TOM1L2: variants seen among roughly 807,000 people sequenced by gnomAD.
TOM1L2 encodes the protein TOM1-like protein 2.
A neutral mutation model predicts 67.9 loss-of-function variants in TOM1L2; 31 were observed. The observed-to-expected ratio is 0.46, with a 90% CI of 0.34 to 0.62. TOM1L2 has a LOEUF of 0.62. Ranked by LOEUF, TOM1L2 falls within the 20% of genes least tolerant of loss-of-function variation. The pLI is 0.01. For synonymous variants in TOM1L2, 256 were observed against 254.0 expected, an observed-to-expected ratio of 1.01 and a Z score of -0.07; for missense variants, 606 against 663.5, an observed-to-expected ratio of 0.91 and a Z score of 0.95.
At chr17:17,914,053 T>C (rs2039522103) in intron 1 of TOM1L2, among the ~76,000 whole-genome samples, 2 of 152,198 alleles carry the variant, frequency 1.3e-5, no homozygotes, top group Admixed American at 1.3e-4. Context: ...GCTGCTTCCA[T>C]CAGGATAAGT....
intron 1 of TOM1L2, among the ~76,000 whole-genome samples, chr17:17,940,705 G>C (rs1039774546): frequency 1.3e-5 from 2 of 152,220 alleles, no homozygotes; most frequent in Non-Finnish European, 2.9e-5. Flanking sequence ...GGTCTCCACA[G>C]CTGTCATTGG....
intron 1 of TOM1L2, among the ~76,000 whole-genome samples, chr17:17,927,663 CTTT>C (rs1191502051): frequency 9.3e-5 from 13 of 139,302 alleles, no homozygotes; most frequent in African/African-American, 1.0e-4. Context: ...GTTGGCTATA[CTTT>C]TTTTTTTTTT....
intron 1 of TOM1L2, among the ~76,000 whole-genome samples, chr17:17,953,981 T>C (rs757401837): frequency 1.4e-4 from 22 of 152,256 alleles, no homozygotes; most frequent in Non-Finnish European, 2.9e-4. Context: ...GCATTGTTCA[T>C]CTTTGAATTC....
At chr17:17,847,888 A>C in intron 14 of TOM1L2, 105 bp from the exon 15 acceptor site, 1 of 1,499,416 alleles carries the variant, frequency 6.7e-7, no homozygotes, top group Non-Finnish European at 9.2e-7. Context: ...GGCAGGCATG[A>C]AGCCCACCTA....
At chr17:17,950,066 G>A (rs912131289) in intron 1 of TOM1L2, among the ~76,000 whole-genome samples, 2 of 151,982 alleles carry the variant, frequency 1.3e-5, no homozygotes, top group African/African-American at 4.8e-5. Flanking sequence ...TAGAGATGGG[G>A]TTTCACCATG....
chr17:17,928,134 A>G (rs577685554), intron 1 of TOM1L2, among the ~76,000 whole-genome samples: 54 of 143,434 alleles, frequency 3.8e-4, no homozygotes, highest in African/African-American at 1.4e-3. Flanking sequence ...TTCCTTTTGT[A>G]TATGTCTGAA....
intron 1 of TOM1L2, among the ~76,000 whole-genome samples, chr17:17,957,947 G>T (rs1157709226): frequency 2.0e-5 from 3 of 151,892 alleles, no homozygotes; most frequent in East Asian, 1.9e-4. Flanking sequence ...AAAATTAGCC[G>T]GGCGTGGTGG....
intron 4 of TOM1L2, among the ~76,000 whole-genome samples, chr17:17,893,071 G>A (rs745590174): frequency 2.0e-5 from 3 of 152,240 alleles, no homozygotes; most frequent in Non-Finnish European, 4.4e-5. Flanking sequence ...TTGAAGGTAT[G>A]TTTTGAGGTA....
At position 17,847,352 on chromosome 17, in the gene TOM1L2, G is replaced by A; in HGVS notation, c.*283C>T. 1 of 477,412 alleles carries A rather than the reference G, an allele frequency of 2.1e-6. No individual in the cohort carries two copies. Among genetic ancestry groups the A allele is most frequent in the Non-Finnish European group, 3.8e-6 (1 of 265,788 alleles). The allele number at this position is 477,412 out of a possible 1,614,324, so 29.6% of individuals were successfully genotyped here. ...GTCTGCTCAGGAAGCACTGCCTGGG[G>A]CTGGGCCACTCTGCCCGCTCTTCCT... On this transcript the variant is annotated 3_prime_UTR_variant, in exon 15 of 15. Transcript: ENST00000379504.
chr17:17,908,436 A>G (rs2039191350), intron 1 of TOM1L2, among the ~76,000 whole-genome samples: 1 of 152,254 alleles, frequency 6.6e-6, no homozygotes, highest in African/African-American at 2.4e-5. Context: ...ACAGGCAACA[A>G]AAGAAAAATT....
chr17:17,905,996 C>T lies in TOM1L2; in HGVS notation c.137+1451G>A, dbSNP rs567606091. 5.2e-4 allele frequency among the ~76,000 whole-genome samples: 79 copies of T among 152,238 alleles called. 1 individual carries two copies. The highest frequency in any genetic ancestry group is 1.4e-3 in the Admixed American group (21 of 15,290). ...TCAGACACCCTCTGTCCCAGGACTTCTGGGTTTGCTGTTCCATGAGCCTTG... is the reference window on the plus strand; with the variant it reads ...TCAGACACCCTCTGTCCCAGGACTTTTGGGTTTGCTGTTCCATGAGCCTTG... On this transcript the variant is annotated intron_variant, in intron 2 of 14. Coordinates refer to ENST00000379504, the MANE Select transcript of TOM1L2 (RefSeq NM_001082968.2).
intron 1 of TOM1L2, among the ~76,000 whole-genome samples, chr17:17,918,021 T>TAAAG (rs1429691551): frequency 2.6e-5 from 4 of 152,122 alleles, no homozygotes; most frequent in Non-Finnish European, 5.9e-5. Context: ...TCTTTCTTCT[T>TAAAG]TAATTTCTTT....
intron 1 of TOM1L2, among the ~76,000 whole-genome samples, chr17:17,934,228 TA>T (rs1394086682): frequency 6.6e-6 from 1 of 152,166 alleles, no homozygotes; most frequent in Non-Finnish European, 1.5e-5. Context: ...GAGGACTGCT[TA>T]AGCCCAGGAG....
chr17:17,949,479 T>A (rs917456336), intron 1 of TOM1L2, among the ~76,000 whole-genome samples: 3 of 152,070 alleles, frequency 2.0e-5, no homozygotes, highest in African/African-American at 7.2e-5. Flanking sequence ...ACCACCCCAC[T>A]CCGATGCTAC....
chr17:17,848,121 A>G (rs1319216463), intron 14 of TOM1L2, among the ~76,000 whole-genome samples: 1 of 152,200 alleles, frequency 6.6e-6, no homozygotes. Context: ...CTGATTAAAC[A>G]GGCAGGAACC....
intron 1 of TOM1L2, among the ~76,000 whole-genome samples, chr17:17,926,924 C>T (rs566681667): frequency 6.6e-6 from 1 of 152,256 alleles, no homozygotes; most frequent in Admixed American, 6.5e-5. Context: ...AGAGCCCCAA[C>T]ACAAGCATGT....
chr17:17,862,928 C>G, intron 10 of TOM1L2, 80 bp from the exon 11 acceptor site: 1 of 991,218 alleles, frequency 1.0e-6, no homozygotes. Context: ...CAAGCTAGGA[C>G]GCCAGCCAGG....
At position 17,843,685 on chromosome 17, in the gene TOM1L2, A is replaced by G. The variant is rs1435942008; in HGVS notation, c.*3950T>C. On this transcript the variant is annotated 3_prime_UTR_variant, in exon 15 of 15. Transcript: ENST00000379504. ...AACACATGACAGTGACAAAAACACT[A>G]AACTTCTAGGACGAGTGGACAGCAA... 6.6e-6 allele frequency: 1 copy of G among 152,484 alleles called. No individual in the cohort carries two copies. Among genetic ancestry groups the G allele is most frequent in the African/African-American group, 2.4e-5 (1 of 41,458 alleles). 9.4% of individuals were successfully genotyped at this position (152,484 alleles called of 1,614,324 possible).
chr17:17,908,665 GACTA>G (rs1458656290), intron 1 of TOM1L2, among the ~76,000 whole-genome samples: 1 of 152,096 alleles, frequency 6.6e-6, no homozygotes, highest in Non-Finnish European at 1.5e-5. Context: ...ATATATAAAT[GACTA>G]ACAAGTATGT....
Sources: gnomAD v4.1 joint callset for allele counts (sites outside exome capture counted in the v4.1 genomes callset) on GRCh38, gnomAD v4.1.1 for gene constraint, MANE v1.5 for transcripts, NCBI Gene and HGNC (gene_info 2026-07-23, HGNC 2026-07-21) for gene names.